Variants in PDE6C observed in about 807,000 individuals in gnomAD.
The protein encoded by PDE6C is cone cGMP-specific 3',5'-cyclic phosphodiesterase subunit alpha'.
In PDE6C, 75 loss-of-function variants were observed where a neutral mutation model predicts 113.1. The observed-to-expected ratio is 0.66, with a 90% CI of 0.55 to 0.80. The LOEUF (loss-of-function observed/expected upper bound fraction) is 0.80. Among genes scored for constraint, PDE6C ranks in the 30% least tolerant of loss-of-function variants. The pLI, the probability that PDE6C is intolerant of heterozygous loss-of-function variation, is 0.00. For synonymous variants in PDE6C, 375 were observed against 363.7 expected (o/e 1.03, Z -0.35); for missense variants, 912 against 1,038.6 (o/e 0.88, Z 1.67).
At chr10:93,638,075 A>T (rs2058542417) in intron 11 of PDE6C, among the ~76,000 whole-genome samples, 1 of 152,172 alleles carries the variant, frequency 6.6e-6, no homozygotes, top group Non-Finnish European at 1.5e-5. Flanking sequence ...TGGGATATTT[A>T]CGAAGACCCC....
intron 16 of PDE6C, 96 bp downstream of exon 16, chr10:93,655,956 TCACACACATACA>T (rs2058636039): frequency 1.3e-6 from 1 of 787,546 alleles, no homozygotes; most frequent in Admixed American, 1.7e-5. Context: ...AGGCATTTAT[TCACACACATACA>T]CACACACAGA....
At chr10:93,657,405 C>G (rs912443403) in intron 16 of PDE6C, among the ~76,000 whole-genome samples, 1 of 128,324 alleles carries the variant, frequency 7.8e-6, no homozygotes, top group Non-Finnish European at 1.6e-5. Context: ...GATGGTCTCT[C>G]TATCTCCTGA....
intron 20 of PDE6C, 56 bp from the exon 21 acceptor site, chr10:93,662,972 G>A (rs975625121): frequency 1.4e-6 from 2 of 1,466,574 alleles, no homozygotes; most frequent in Non-Finnish European, 1.9e-6. Context: ...GCATATGAAA[G>A]ATCCTGAAAA....
intron 15 of PDE6C, among the ~76,000 whole-genome samples, chr10:93,649,450 C>T (rs1262303162): frequency 6.6e-6 from 1 of 152,132 alleles, no homozygotes; most frequent in South Asian, 2.1e-4. Context: ...ATTTCATTAA[C>T]GTCTAATGAA....
intron 8 of PDE6C, among the ~76,000 whole-genome samples, chr10:93,630,112 A>G (rs1319639352): frequency 6.6e-6 from 1 of 152,076 alleles, no homozygotes; most frequent in East Asian, 1.9e-4. Flanking sequence ...AAAATCAACA[A>G]TTCTGACTGA....
chr10:93,645,260 C>G (rs2058578934), intron 14 of PDE6C, among the ~76,000 whole-genome samples: 1 of 152,136 alleles, frequency 6.6e-6, no homozygotes. Flanking sequence ...ATTTGCTTTC[C>G]CTGACCTGCC....
chr10:93,649,919 A>G (rs1029961523), intron 15 of PDE6C, among the ~76,000 whole-genome samples: 8 of 152,042 alleles, frequency 5.3e-5, no homozygotes, highest in African/African-American at 1.9e-4. Context: ...CTGCATCTCT[A>G]GAGTGCCCAA....
intron 8 of PDE6C, 98 bp downstream of exon 8, chr10:93,629,403 G>A: frequency 1.1e-6 from 1 of 918,684 alleles, no homozygotes; most frequent in East Asian, 2.4e-5. Flanking sequence ...CTGATGCTCA[G>A]GTGTGGCCAC....
chr10:93,612,582 C>T lies in PDE6C; in HGVS notation c.-144C>T. ...GGCAGTTTGAAAGCTCTGCTTTCTG[C>T]TTGACCTTTGGAAGTCCTATGAGGG... On this transcript the variant is annotated 5_prime_UTR_variant, in exon 1 of 22. Coordinates refer to ENST00000371447, the MANE Select transcript of PDE6C (RefSeq NM_006204.4). 2 of 1,109,164 alleles carry T rather than the reference C, an allele frequency of 1.8e-6. No individual in the cohort carries two copies. Among genetic ancestry groups the T allele is most frequent in the Non-Finnish European group, 2.7e-6 (2 of 741,674 alleles). The allele number at this position is 1,109,164 out of a possible 1,614,324, so 68.7% of individuals were successfully genotyped here.
chr10:93,624,091 G>C (rs1342158636), intron 4 of PDE6C, among the ~76,000 whole-genome samples: 1 of 151,712 alleles, frequency 6.6e-6, no homozygotes, highest in East Asian at 1.9e-4. Context: ...CCAACTTTAG[G>C]TTTTTGTATT....
chr10:93,630,738 C>G lies in PDE6C; in HGVS notation c.1119+1433C>G, dbSNP rs529076727. ...GCCTTCCCCAGGCTGCAGCGTGCCT[C>G]CTTAGCGGCAGAACCACACCACACC... On this transcript the variant is annotated intron_variant, in intron 8 of 21. Coordinates refer to ENST00000371447, the MANE Select transcript of PDE6C (RefSeq NM_006204.4). 3.3e-5 allele frequency among the ~76,000 whole-genome samples: 5 copies of G among 152,312 alleles called. No homozygotes were observed. In the East Asian group the frequency reaches 5.8e-4, roughly 18 times the overall value.
intron 4 of PDE6C, among the ~76,000 whole-genome samples, chr10:93,625,296 C>T (rs1438947565): frequency 1.3e-5 from 2 of 152,066 alleles, no homozygotes; most frequent in African/African-American, 4.8e-5. Flanking sequence ...GAACTATGTG[C>T]CAGGGTAGAT....
intron 5 of PDE6C, among the ~76,000 whole-genome samples, chr10:93,625,859 T>C (rs1005852449): frequency 6.6e-6 from 1 of 152,208 alleles, no homozygotes; most frequent in Non-Finnish European, 1.5e-5. Context: ...TCCGTTTCCT[T>C]TTCTATAAAG....
intron 20 of PDE6C, 112 bp from the exon 21 acceptor site, chr10:93,662,916 C>T: frequency 1.0e-6 from 1 of 961,036 alleles, no homozygotes; most frequent in Non-Finnish European, 1.6e-6. Context: ...TTAAACTTAT[C>T]CTAGCAGCTC....
chr10:93,629,233 C>A, intron 7 of PDE6C, 25 bp from the exon 8 acceptor site: 9 of 1,585,908 alleles, frequency 5.7e-6, no homozygotes, highest in Non-Finnish European at 6.9e-6. Flanking sequence ...ATATTTCAGA[C>A]CATTTGTCTC....
intron 14 of PDE6C, among the ~76,000 whole-genome samples, chr10:93,644,775 T>C (rs1201808659): frequency 8.1e-6 from 1 of 123,954 alleles, no homozygotes; most frequent in Non-Finnish European, 1.8e-5. Flanking sequence ...GAAAATGTGG[T>C]GCGTGTATAT....
At chr10:93,627,145 C>T (rs1181374500) in intron 7 of PDE6C, among the ~76,000 whole-genome samples, 1 of 150,712 alleles carries the variant, frequency 6.6e-6, no homozygotes, top group African/African-American at 2.4e-5. Context: ...GCCTGTAATG[C>T]CAGCTACTTG....
At position 93,663,873 on chromosome 10, in the gene PDE6C, T is replaced by C. The variant is rs548647087; in HGVS notation, c.2518+695T>C. Among the ~76,000 whole-genome samples, 356 of 152,326 alleles carry C rather than the reference T, an allele frequency of 2.3e-3. 2 individuals are homozygous for C. Among genetic ancestry groups the C allele is most frequent in the African/African-American group, 7.8e-3 (324 of 41,578 alleles). On this transcript the variant is annotated intron_variant, in intron 21 of 21. Coordinates refer to ENST00000371447, the MANE Select transcript of PDE6C (RefSeq NM_006204.4). Reference sequence around the variant, plus strand: ...GAAAGTGGAATGCTAATTTCTGTCTTGAAAGTTTATCACTCTGAAGGTTTT... The same window carrying C: ...GAAAGTGGAATGCTAATTTCTGTCTCGAAAGTTTATCACTCTGAAGGTTTT...
At chr10:93,622,641 TTTTTTTTTG>T (rs2058452830) in intron 4 of PDE6C, among the ~76,000 whole-genome samples, 2 of 7,460 alleles carry the variant, frequency 2.7e-4, no homozygotes, top group Non-Finnish European at 2.8e-3. Context: ...AGCCACAGGT[TTTTTTTTTG>T]TTTTTTTTTT....
Sources: allele counts gnomAD v4.1 joint callset (sites outside exome capture counted in the v4.1 genomes callset), GRCh38; gene constraint gnomAD v4.1.1; transcripts MANE v1.5; gene names NCBI Gene and HGNC (gene_info 2026-07-23, HGNC 2026-07-21).